Variants in MAP2K2 observed in about 807,000 individuals in gnomAD.
MAP2K2 encodes the protein mitogen-activated protein kinase kinase 2.
Under a neutral mutation model 43.7 loss-of-function variants are expected in MAP2K2, and 24 were observed. The observed-to-expected ratio is 0.55, with a 90% CI of 0.40 to 0.77. MAP2K2 has a LOEUF of 0.77. Ranked by LOEUF, MAP2K2 falls within the 30% of genes least tolerant of loss-of-function variation. The pLI, the probability that MAP2K2 is intolerant of heterozygous loss-of-function variation, is 0.00. For missense variants in MAP2K2, 470 were observed against 566.8 expected (o/e 0.83, Z 1.73); for synonymous variants, 244 against 239.7 (o/e 1.02, Z -0.17).
In MAP2K2 at chr19:4,115,421, T is replaced by A. The variant is rs2041207989; in HGVS notation, c.303+1998A>T. On this transcript the variant is annotated intron_variant, in intron 2 of 10. Coordinates refer to ENST00000262948, the MANE Select transcript of MAP2K2 (RefSeq NM_030662.4). The surrounding 1 kb of genome is among the most constrained non-coding windows in gnomAD (Gnocchi z 4.1). ...CAGCCCATCAGGGACCACTGGAGGCTCCCCCAGAAGCCTGAGGGTCCCTGG... is the reference window on the plus strand; with the variant it reads ...CAGCCCATCAGGGACCACTGGAGGCACCCCCAGAAGCCTGAGGGTCCCTGG... Among the ~76,000 whole-genome samples the A allele has an allele frequency of 6.6e-6, 1 of 152,090 alleles. No individual in the cohort carries two copies. Among genetic ancestry groups the A allele is most frequent in the South Asian group, 2.1e-4 (1 of 4,824 alleles).
chr19:4,092,370 G>A, intron 10 of MAP2K2, among the ~76,000 whole-genome samples: 1 of 152,088 alleles, frequency 6.6e-6, no homozygotes, highest in East Asian at 1.9e-4. Flanking sequence ...AGACCTAGGT[G>A]GGTGGATCAC....
intron 3 of MAP2K2, chr19:4,103,166 C>T: frequency 4.0e-6 from 4 of 991,940 alleles, no homozygotes; most frequent in Non-Finnish European, 4.8e-6. Context: ...GGCCCCTCCC[C>T]ACAGCCTGTG....
At position 4,111,810 on chromosome 19, in the gene MAP2K2, G is replaced by A. The variant is rs141786454; in HGVS notation, c.304-1155C>T. Among the ~76,000 whole-genome samples, 550 of 152,180 alleles carry A rather than the reference G, an allele frequency of 3.6e-3. 1 individual carries two copies. The highest frequency in any genetic ancestry group is 0.012 in the African/African-American group (486 of 41,508). ...CTCTACTAAAAATACAAATTTAGCC[G>A]GGTGTGGTGGCAGGCGCCTGTAATC... On this transcript the variant is annotated intron_variant, in intron 2 of 10. Coordinates refer to ENST00000262948, the MANE Select transcript of MAP2K2 (RefSeq NM_030662.4).
At chr19:4,102,978 C>A in intron 3 of MAP2K2, 1 of 1,092,706 alleles carries the variant, frequency 9.2e-7, no homozygotes, top group South Asian at 2.5e-5. Flanking sequence ...GCTGTGTGCC[C>A]GTCCAGACCC....
intron 2 of MAP2K2, among the ~76,000 whole-genome samples, chr19:4,116,652 G>A (rs1427273954): frequency 3.3e-5 from 5 of 152,118 alleles, no homozygotes; most frequent in Admixed American, 2.0e-4. Flanking sequence ...TCTGTACAGC[G>A]CAGTGCTGAG....
At chr19:4,099,448 G>A (rs1354403190) in intron 6 of MAP2K2, 34 bp from the exon 7 acceptor site, 3 of 1,543,850 alleles carry the variant, frequency 1.9e-6, no homozygotes, top group East Asian at 2.4e-5. Context: ...GAGCCCAGAG[G>A]GGCGAGGATG....
At chr19:4,120,789 C>T (rs2041283295) in intron 1 of MAP2K2, among the ~76,000 whole-genome samples, 1 of 152,198 alleles carries the variant, frequency 6.6e-6, no homozygotes, top group South Asian at 2.1e-4. Context: ...GCTTCCTCTC[C>T]TGGGGGAATC....
intron 2 of MAP2K2, among the ~76,000 whole-genome samples, chr19:4,114,352 G>A (rs1206355688): frequency 1.2e-4 from 18 of 152,174 alleles, no homozygotes; most frequent in African/African-American, 4.1e-4. Context: ...TGTTGGCAGC[G>A]GCTTCGACTC....
chr19:4,102,545 G>A (rs2145058274), intron 3 of MAP2K2, 92 bp from the exon 4 acceptor site: 2 of 1,060,316 alleles, frequency 1.9e-6, no homozygotes, highest in South Asian at 1.3e-5. Context: ...GGGGTGGTCT[G>A]CCTCCTGACG....
chr19:4,122,670 C>T (rs912197141), intron 1 of MAP2K2, among the ~76,000 whole-genome samples: 2 of 149,106 alleles, frequency 1.3e-5, no homozygotes, highest in Non-Finnish European at 3.0e-5. Flanking sequence ...CTTAGGGATT[C>T]CAAACCCCAT....
intron 6 of MAP2K2, 71 bp from the exon 7 acceptor site, chr19:4,099,485 C>T (rs2040970069): frequency 1.3e-5 from 16 of 1,229,122 alleles, no homozygotes; most frequent in South Asian, 1.0e-4. Context: ...AGGCTTGCCC[C>T]GTTACAGCCC....
Position 4,117,627 on chromosome 19 carries a change from G to T in MAP2K2, c.95C>A (p.Ala32Glu). The T allele has an allele frequency of 1.9e-6, 3 of 1,613,868 alleles. No individual in the cohort carries two copies. The highest frequency in any genetic ancestry group is 2.5e-6 in the Non-Finnish European group (3 of 1,180,028). The change falls in exon 2 of 11, where the codon GCA (alanine) becomes GAA (glutamate). Residue 32 changes from alanine (A) to glutamate (E), a missense_variant and splice_region_variant. Physicochemically the swap from Ala to Glu is moderately radical, Grantham distance 107 (BLOSUM62 -1). This residue lies in a region of MAP2K2 where 58 missense variants were observed against 48.0 expected (regional missense o/e 1.21). Coordinates refer to ENST00000262948, the MANE Select transcript of MAP2K2 (RefSeq NM_030662.4). ...PSPTSEGASE[A>E]NLVDLQKKLE... ...CTTCTTCTGCAGGTCCACCAGGTTT[G>T]CCCTGCAGAGACCCCCCAGGGTAGG...
chr19:4,096,330 A>T lies in MAP2K2; in HGVS notation c.985-881T>A, dbSNP rs184528283. Among the ~76,000 whole-genome samples, 863 of 152,268 alleles carry T rather than the reference A, an allele frequency of 5.7e-3. 8 individuals are homozygous for T. Among genetic ancestry groups the T allele is most frequent in the Non-Finnish European group, 9.7e-3 (661 of 68,006 alleles). The stretch of plus-strand genomic sequence containing the variant: ...CGTCATCATCTCGCCACCCAACCCC[A>T]GGCCTAGCCCAGTCTGCAGGCAGCT... On this transcript the variant is annotated intron_variant, in intron 8 of 10. Transcript: ENST00000262948.
chr19:4,095,513 C>G, intron 8 of MAP2K2, 64 bp from the exon 9 acceptor site: 9 of 1,353,582 alleles, frequency 6.6e-6, no homozygotes, highest in Non-Finnish European at 9.3e-6. Context: ...GGCTGCAGCC[C>G]TCTCTACCCC....
rs115112842 is a variant in MAP2K2, at chr19:4,101,944, G to A, written c.528+432C>T. Among the ~76,000 whole-genome samples, 147 of 152,318 alleles carry A rather than the reference G, an allele frequency of 9.7e-4. No homozygotes were observed. Among genetic ancestry groups the A allele is most frequent in the African/African-American group, 3.5e-3 (144 of 41,572 alleles). On this transcript the variant is annotated intron_variant, in intron 4 of 10. Coordinates refer to ENST00000262948, the MANE Select transcript of MAP2K2 (RefSeq NM_030662.4). This position sits in a 1 kb window ranked among gnomAD's most constrained non-coding sequence, Gnocchi z 6.3. Reference sequence around the variant, plus strand: ...ACGGCTCTACGGAGCAGCTGTGCTGGAGACCGGGCAGCAGAGACGCCCTTG... The same window carrying A: ...ACGGCTCTACGGAGCAGCTGTGCTGAAGACCGGGCAGCAGAGACGCCCTTG...
chr19:4,101,900 C>G lies in MAP2K2; in HGVS notation c.528+476G>C, dbSNP rs566740344. Among the ~76,000 whole-genome samples, 10 of 152,284 alleles carry G rather than the reference C, an allele frequency of 6.6e-5. No individual in the cohort carries two copies. The highest frequency in any genetic ancestry group is 1.2e-4 in the Non-Finnish European group (8 of 68,020). Reference sequence around the variant, plus strand: ...GGTGCAAGCTCCAAGAAGCAACACGCACGGTCTGCTGAAACCACACGGCTC... The same window carrying G: ...GGTGCAAGCTCCAAGAAGCAACACGGACGGTCTGCTGAAACCACACGGCTC... On this transcript the variant is annotated intron_variant, in intron 4 of 10. Transcript: ENST00000262948. This position sits in a 1 kb window ranked among gnomAD's most constrained non-coding sequence, Gnocchi z 6.3.
intron 3 of MAP2K2, among the ~76,000 whole-genome samples, chr19:4,107,523 C>CAAAAAAA (rs71166959): frequency 5.1e-5 from 3 of 59,312 alleles, no homozygotes; most frequent in African/African-American, 7.8e-5. Flanking sequence ...GACTCCGTCT[C>CAAAAAAA]AAAAAAAAAA....
chr19:4,091,962 T>C (rs2040859162), intron 10 of MAP2K2, among the ~76,000 whole-genome samples: 2 of 152,294 alleles, frequency 1.3e-5, no homozygotes, highest in East Asian at 3.9e-4. Context: ...CTGAACACAC[T>C]TCAACAGCCA....
rs1261278354 is a variant in MAP2K2 at position 4,124,088 on chromosome 19, C to G, written c.-213G>C. 9.3e-6 allele frequency: 2 copies of G among 214,212 alleles called. No homozygotes were observed. The highest frequency in any genetic ancestry group is 1.9e-4 in the South Asian group (1 of 5,398). 13.3% of individuals were successfully genotyped at this position (214,212 alleles called of 1,614,324 possible). A position where few individuals can be genotyped will look rare whatever the true frequency, so the allele number is the denominator to read the frequency against. ...GCGAGCCGCTACCGCTGCCGAGGCC[C>G]GAAGAAGGCTGACGCCGCAGCCCGA... On this transcript the variant is annotated 5_prime_UTR_variant, in exon 1 of 11. Coordinates refer to ENST00000262948, the MANE Select transcript of MAP2K2 (RefSeq NM_030662.4).
Sources: gnomAD v4.1 joint callset for allele counts (sites outside exome capture counted in the v4.1 genomes callset) on GRCh38, gnomAD v4.1.1 for gene constraint, gnomAD v4.1.1 regional missense constraint, Gnocchi (gnomAD v3.1) non-coding constraint, MANE v1.5 for transcripts, NCBI Gene and HGNC (gene_info 2026-07-23, HGNC 2026-07-21) for gene names.